Variants in GRAMD2B observed in about 807,000 individuals in gnomAD.
GRAMD2B encodes the protein GRAM domain-containing protein 2B.
GRAMD2B carries 41 observed loss-of-function variants against 59.2 expected under a neutral mutation model. The ratio of observed to expected loss-of-function variants is 0.69; its 90% CI spans 0.54 to 0.90. The LOEUF (loss-of-function observed/expected upper bound fraction) is 0.90, where lower values mean the gene tolerates loss of function less well. GRAMD2B is among the 40% of genes least tolerant of loss of function. The pLI, the probability that GRAMD2B is intolerant of heterozygous loss-of-function variation, is 0.00. For missense variants in GRAMD2B, 424 were observed against 500.5 expected (o/e 0.85, Z 1.46); for synonymous variants, 161 against 182.7 (o/e 0.88, Z 0.96).
chr5:126,423,232 TTG>T (rs1759944782), upstream of GRAMD2B: 1 of 1,070,358 alleles, frequency 9.3e-7, no homozygotes, highest in South Asian at 3.1e-5. Context: ...GCTAAACAGA[TTG>T]TGCCTTCTTA....
chr5:126,362,730 C>T (rs1754273959), intron 1 of GRAMD2B, among the ~76,000 whole-genome samples: 1 of 152,076 alleles, frequency 6.6e-6, no homozygotes. Flanking sequence ...GCAAGATAAT[C>T]CAATGGGAAA....
At position 126,437,970 on chromosome 5, in the gene GRAMD2B, A is replaced by T. The variant is rs1286271750; in HGVS notation, c.83+14281A>T. On this transcript the variant is annotated intron_variant, in intron 1 of 13. Coordinates refer to ENST00000285689, the MANE Select transcript of GRAMD2B (RefSeq NM_023927.4). Reference sequence around the variant, plus strand: ...CAGTGCCTGGCTTGCATCACAGCTCAGATTGGTGCATACTGGAATCTTCTT... The same window carrying T: ...CAGTGCCTGGCTTGCATCACAGCTCTGATTGGTGCATACTGGAATCTTCTT... 3.3e-5 allele frequency among the ~76,000 whole-genome samples: 5 copies of T among 152,330 alleles called. No individual in the cohort carries two copies. The East Asian group carries it at 9.6e-4, about 29-fold the overall frequency.
chr5:126,409,365 T>G (rs1561487878), intron 1 of GRAMD2B, among the ~76,000 whole-genome samples: 3 of 152,230 alleles, frequency 2.0e-5, no homozygotes, highest in Admixed American at 1.3e-4. Flanking sequence ...TCCTGACTTT[T>G]TAATGATTGC....
intron 1 of GRAMD2B, among the ~76,000 whole-genome samples, chr5:126,447,875 T>TTA (rs1491157208): frequency 7.7e-6 from 1 of 129,714 alleles, no homozygotes; most frequent in Non-Finnish European, 1.6e-5. Context: ...TTTTTTTTTT[T>TTA]AAAAAATAGT....
At chr5:126,438,829 C>T (rs948874177) in intron 1 of GRAMD2B, among the ~76,000 whole-genome samples, 6 of 152,022 alleles carry the variant, frequency 3.9e-5, no homozygotes, top group African/African-American at 1.5e-4. Context: ...GAGCTGCCTC[C>T]AGAAATAAGT....
chr5:126,446,008 A>G (rs952340870), intron 1 of GRAMD2B, among the ~76,000 whole-genome samples: 2 of 152,308 alleles, frequency 1.3e-5, no homozygotes, highest in Admixed American at 6.5e-5. Context: ...GAACTCTCCC[A>G]AGTCCCCTAC....
chr5:126,434,508 TTTTTTA>T (rs369898125), intron 1 of GRAMD2B, among the ~76,000 whole-genome samples: 1 of 151,308 alleles, frequency 6.6e-6, no homozygotes, highest in East Asian at 1.9e-4. Flanking sequence ...AATTATCCTT[TTTTTTA>T]TTTTTATTTT....
intron 2 of GRAMD2B, chr5:126,466,306 C>T (rs1387260261): frequency 6.7e-7 from 1 of 1,498,250 alleles, no homozygotes; most frequent in Non-Finnish European, 9.1e-7. Flanking sequence ...CATATCTTCT[C>T]TCCAAATCTA....
At chr5:126,480,416 C>T (rs754438304) in intron 6 of GRAMD2B, 40 bp from the exon 7 acceptor site, 29 of 1,446,124 alleles carry the variant, frequency 2.0e-5, no homozygotes, top group East Asian at 1.1e-4. Flanking sequence ...ACTTCTCATC[C>T]GGCAATATCT....
At chr5:126,416,901 C>G (rs1001732629) in intron 1 of GRAMD2B, among the ~76,000 whole-genome samples, 3 of 152,204 alleles carry the variant, frequency 2.0e-5, no homozygotes, top group African/African-American at 7.2e-5. Flanking sequence ...TTCTTTACAT[C>G]TCTTACTCAT....
intron 1 of GRAMD2B, among the ~76,000 whole-genome samples, chr5:126,463,045 G>A (rs962955648): frequency 6.6e-6 from 1 of 152,188 alleles, no homozygotes; most frequent in Non-Finnish European, 1.5e-5. Context: ...CACCTGCACT[G>A]CACACAAATG....
At chr5:126,418,960 G>T (rs755250006), upstream of GRAMD2B, among the ~76,000 whole-genome samples, 1 of 152,094 alleles carries the variant, frequency 6.6e-6, no homozygotes, top group Non-Finnish European at 1.5e-5. Context: ...GAGCTTCCAG[G>T]TTTCATCTTG....
chr5:126,391,336 A>AAAAAAAAAAAAAC (rs1756758481), intron 1 of GRAMD2B, among the ~76,000 whole-genome samples: 1 of 139,400 alleles, frequency 7.2e-6, no homozygotes, highest in African/African-American at 2.6e-5. Flanking sequence ...AAAAAAAAAA[A>AAAAAAAAAAAAAC]AAAACTTGTA....
chr5:126,423,892 A>G (rs917423298), intron 1 of GRAMD2B, among the ~76,000 whole-genome samples: 6 of 152,156 alleles, frequency 3.9e-5, no homozygotes, highest in African/African-American at 1.4e-4. Flanking sequence ...TGAAAAGTCT[A>G]CTGTAGGATT....
At chr5:126,409,591 C>G (rs1274783723) in intron 1 of GRAMD2B, among the ~76,000 whole-genome samples, 1 of 151,942 alleles carries the variant, frequency 6.6e-6, no homozygotes, top group Non-Finnish European at 1.5e-5. Flanking sequence ...GATATTAGCC[C>G]TTTGTCAGAT....
chr5:126,444,661 T>G (rs1763895630), intron 1 of GRAMD2B, among the ~76,000 whole-genome samples: 1 of 152,250 alleles, frequency 6.6e-6, no homozygotes, highest in South Asian at 2.1e-4. Context: ...GATGTTCATA[T>G]GAAAACCCAG....
intron 1 of GRAMD2B, among the ~76,000 whole-genome samples, chr5:126,379,242 T>A (rs1400253236): frequency 1.3e-5 from 2 of 152,210 alleles, no homozygotes; most frequent in Non-Finnish European, 2.9e-5. Context: ...ATTTCATTCC[T>A]TTTTGTGGCT....
intron 4 of GRAMD2B, among the ~76,000 whole-genome samples, chr5:126,472,575 T>G (rs1769821878): frequency 6.6e-6 from 1 of 152,164 alleles, no homozygotes; most frequent in South Asian, 2.1e-4. Flanking sequence ...ATTGCTGAAA[T>G]GCACATGGTT....
At chr5:126,383,617 A>G (rs1184869387) in intron 1 of GRAMD2B, among the ~76,000 whole-genome samples, 1 of 152,188 alleles carries the variant, frequency 6.6e-6, no homozygotes, top group African/African-American at 2.4e-5. Flanking sequence ...AGGAAAAAAA[A>G]AAGTTTTCTG....
Sources: gnomAD v4.1 joint callset for allele counts (sites outside exome capture counted in the v4.1 genomes callset) on GRCh38, gnomAD v4.1.1 for gene constraint, MANE v1.5 for transcripts, NCBI Gene and HGNC (gene_info 2026-07-23, HGNC 2026-07-21) for gene names.